Variants in QTMAN observed in about 807,000 individuals in gnomAD.
QTMAN encodes the protein tRNA-queuosine alpha-mannosyltransferase.
chr2:144,195,404 A>G, the QTMAN span, among the ~76,000 whole-genome samples: 1 of 152,174 alleles, frequency 6.6e-6, no homozygotes, highest in Non-Finnish European at 1.5e-5. Flanking sequence ...GATGTAAAAC[A>G]TATGCATGCT....
chr2:144,004,600 C>T, the QTMAN span, among the ~76,000 whole-genome samples: 2 of 151,902 alleles, frequency 1.3e-5, no homozygotes, highest in Admixed American at 6.6e-5. Context: ...AGTCTTGCTG[C>T]GATGGAACTC....
chr2:144,032,281 A>G, the QTMAN span, among the ~76,000 whole-genome samples: 2 of 152,178 alleles, frequency 1.3e-5, no homozygotes, highest in Admixed American at 6.5e-5. Context: ...GGAGAATTAT[A>G]TCTACATCAT....
At chr2:144,026,941 T>C in the QTMAN span, among the ~76,000 whole-genome samples, 1 of 152,232 alleles carries the variant, frequency 6.6e-6, no homozygotes, top group East Asian at 1.9e-4. Flanking sequence ...AAGCATGTGT[T>C]ACTTTGGTAG....
At chr2:143,999,043 G>A in the QTMAN span, among the ~76,000 whole-genome samples, 1 of 151,938 alleles carries the variant, frequency 6.6e-6, no homozygotes, top group Non-Finnish European at 1.5e-5. Context: ...CATTGACTAA[G>A]TACCCCTAAT....
the QTMAN span, among the ~76,000 whole-genome samples, chr2:144,019,435 G>GGT: frequency 0.14 from 16,505 of 116,996 alleles, 1,351 homozygotes; most frequent in Non-Finnish European, 0.17. Flanking sequence ...TAAGCATGCA[G>GGT]GTGTGTGTGT....
chr2:143,955,162 C>CTAAT, the QTMAN span, among the ~76,000 whole-genome samples: 3 of 151,946 alleles, frequency 2.0e-5, no homozygotes, highest in African/African-American at 7.3e-5. Context: ...CAGAAGACTG[C>CTAAT]TAATTATCGA....
chr2:143,981,222 T>C, the QTMAN span, among the ~76,000 whole-genome samples: 2 of 152,208 alleles, frequency 1.3e-5, no homozygotes, highest in Non-Finnish European at 2.9e-5. Context: ...CTCCAGAAGT[T>C]GGCAGGTATT....
the QTMAN span, among the ~76,000 whole-genome samples, chr2:143,983,074 T>C: frequency 2.1e-4 from 32 of 152,128 alleles, no homozygotes; most frequent in Non-Finnish European, 3.5e-4. Context: ...TGAAGTAAAA[T>C]AGTTTACATG....
At chr2:143,989,336 T>C in the QTMAN span, among the ~76,000 whole-genome samples, 1 of 152,192 alleles carries the variant, frequency 6.6e-6, no homozygotes. Context: ...AATTTGATTA[T>C]ATAAAGCTTT....
the QTMAN span, among the ~76,000 whole-genome samples, chr2:144,076,565 G>A: frequency 1.3e-5 from 2 of 152,140 alleles, no homozygotes; most frequent in Non-Finnish European, 2.9e-5. Flanking sequence ...AGACTCGAGA[G>A]TGTTCAGAAC....
At chr2:144,087,244 G>C in the QTMAN span, among the ~76,000 whole-genome samples, 31 of 152,136 alleles carry the variant, frequency 2.0e-4, no homozygotes, top group East Asian at 5.8e-3. Context: ...CAAATTTCTT[G>C]AGAAAAACCA....
chr2:144,284,249 C>G, the QTMAN span, among the ~76,000 whole-genome samples: 2 of 151,752 alleles, frequency 1.3e-5, no homozygotes, highest in Non-Finnish European at 2.9e-5. Flanking sequence ...TCTAGAAATA[C>G]CTCCCATGGA....
chr2:144,217,539 A>C, the QTMAN span, among the ~76,000 whole-genome samples: 2 of 152,128 alleles, frequency 1.3e-5, no homozygotes, highest in Admixed American at 1.3e-4. Flanking sequence ...ATGCCTCCTC[A>C]CTTGTAAAAC....
the QTMAN span, among the ~76,000 whole-genome samples, chr2:143,958,843 T>C: frequency 2.7e-5 from 4 of 150,598 alleles, no homozygotes; most frequent in East Asian, 7.8e-4. Context: ...ATCTTGAATC[T>C]ATTCAACACT....
the QTMAN span, among the ~76,000 whole-genome samples, chr2:144,024,808 T>A: frequency 2.6e-5 from 4 of 152,210 alleles, no homozygotes; most frequent in Non-Finnish European, 5.9e-5. Context: ...TGATATAATT[T>A]TTTTTCATTT....
the QTMAN span, among the ~76,000 whole-genome samples, chr2:143,982,041 G>C: frequency 6.6e-6 from 1 of 152,020 alleles, no homozygotes; most frequent in African/African-American, 2.4e-5. Context: ...AGGTTCTGAA[G>C]GTAGACTAAA....
chr2:144,192,190 T>C, the QTMAN span, among the ~76,000 whole-genome samples: 1 of 152,058 alleles, frequency 6.6e-6, no homozygotes, highest in African/African-American at 2.4e-5. Flanking sequence ...CATTGCAACC[T>C]CTGCCTCTCA....
At chr2:143,998,486 A>AT in the QTMAN span, among the ~76,000 whole-genome samples, 2 of 151,836 alleles carry the variant, frequency 1.3e-5, no homozygotes, top group Non-Finnish European at 2.9e-5. Context: ...CTACCTTGGA[A>AT]TTTTTTGGTA....
chr2:144,250,002 T>C, the QTMAN span, among the ~76,000 whole-genome samples: 12 of 152,270 alleles, frequency 7.9e-5, no homozygotes, highest in African/African-American at 2.6e-4. Context: ...GATGGGAGAC[T>C]GATTTCAAGA....
Sources: gnomAD v4.1 joint callset for allele counts (sites outside exome capture counted in the v4.1 genomes callset) on GRCh38, gnomAD v4.1.1 for gene constraint, MANE v1.5 for transcripts, NCBI Gene and HGNC (gene_info 2026-07-23, HGNC 2026-07-21) for gene names.